The following ZNF358 variants were observed in gnomAD, a reference collection of about 807,000 sequenced individuals.
ZNF358 encodes the protein zinc finger protein 358.
ZNF358 carries 1 observed loss-of-function variant against 2.1 expected under a neutral mutation model. The ratio of observed to expected loss-of-function variants is 0.49; its 90% CI spans 0.17 to 2.30. The LOEUF is 2.30. Ranked by LOEUF, ZNF358 falls within the 30% of genes most tolerant of loss-of-function variation. The pLI is 0.26. For synonymous variants in ZNF358, 381 were observed against 359.7 expected, an observed-to-expected ratio of 1.06 and a Z score of -0.67; for missense variants, 665 against 806.8, an observed-to-expected ratio of 0.82 and a Z score of 2.13.
At position 7,519,495 on chromosome 19, in the gene ZNF358, C is replaced by A; in HGVS notation, c.253C>A (p.Pro85Thr). ...AGCTCCGGGCTCGGAACCCCAAGAT[C>A]CCGACCCCATGTCTTCGAGTTTCGA... Reference protein sequence around the residue: ...AEAPGSEPQDPDPMSSSFDLD... With the variant: ...AEAPGSEPQDTDPMSSSFDLD... Residue 85 changes from proline (P) to threonine (T), a missense_variant, in exon 2 of 2, where the codon CCC (proline) becomes ACC (threonine). Physicochemically the swap from Pro to Thr is conservative, Grantham distance 38 (BLOSUM62 -1). Around this residue, in one of 3 missense-constraint regions of ZNF358, gnomAD observed 206 missense variants for 228.4 expected, o/e 0.90. Coordinates refer to ENST00000597229, the MANE Select transcript of ZNF358 (RefSeq NM_018083.5). 1 of 1,613,362 alleles carries A rather than the reference C, an allele frequency of 6.2e-7. No individual in the cohort carries two copies. Among genetic ancestry groups the A allele is most frequent in the Non-Finnish European group, 8.5e-7 (1 of 1,179,986 alleles).
At chr19:7,514,833 A>G (rs1452768214), upstream of ZNF358, among the ~76,000 whole-genome samples, 4 of 152,066 alleles carry the variant, frequency 2.6e-5, no homozygotes, top group Non-Finnish European at 5.9e-5. Context: ...GGATTTCACC[A>G]TGCTGGCCAG....
Position 7,520,368 on chromosome 19 carries a change from C to A in ZNF358, c.1126C>A (p.Arg376Ser), listed in dbSNP as rs761933013. The change falls in exon 2 of 2, where the codon CGC becomes AGC. Residue 376 changes from arginine (R) to serine (S), a missense_variant. This residue lies in a region of ZNF358 where 210 missense variants were observed against 350.8 expected (regional missense o/e 0.60). Coordinates refer to ENST00000597229, the MANE Select transcript of ZNF358 (RefSeq NM_018083.5). The surrounding 1 kb of genome is among the most constrained non-coding windows in gnomAD (Gnocchi z 6.0). ...CGTGCATTCGGGCGAGCGTCCCTATCGCTGTCAGCTCTGCGGGAAGGCCTT... is the reference window on the plus strand; with the variant it reads ...CGTGCATTCGGGCGAGCGTCCCTATAGCTGTCAGCTCTGCGGGAAGGCCTT... ...LHVHSGERPY[R>S]CQLCGKAFGQ... 1 of 1,612,306 alleles carries A rather than the reference C, an allele frequency of 6.2e-7. No individual in the cohort carries two copies. The highest frequency in any genetic ancestry group is 2.2e-5 in the East Asian group (1 of 44,846).
intron 1 of ZNF358, among the ~76,000 whole-genome samples, chr19:7,518,530 G>GGAAA (rs796574664): frequency 0.035 from 2,683 of 75,590 alleles, 274 homozygotes; most frequent in African/African-American, 0.13. Flanking sequence ...AAGGAAGGAA[G>GGAAA]GAAAGAAAGA....
chr19:7,520,156 C>T lies in ZNF358; in HGVS notation c.914C>T (p.Ala305Val). 6.3e-7 allele frequency: 1 copy of T among 1,598,948 alleles called. No individual in the cohort carries two copies. ...QCGKAFGQSS[A>V]LLQHQRTHTA... ...GGCAAGGCCTTCGGGCAGAGCTCGGCGCTGCTGCAGCACCAGCGCACACAC... is the reference window on the plus strand; with the variant it reads ...GGCAAGGCCTTCGGGCAGAGCTCGGTGCTGCTGCAGCACCAGCGCACACAC... The change falls in exon 2 of 2, where the codon GCG (alanine) becomes GTG (valine). Residue 305 changes from alanine to valine, a missense_variant. Transcript: ENST00000597229. This position sits in a 1 kb window ranked among gnomAD's most constrained non-coding sequence, Gnocchi z 6.0.
At chr19:7,519,064 CAAAAA>C (rs397859220) in intron 1 of ZNF358, 136 bp from the exon 2 acceptor site, 2,216 of 573,740 alleles carry the variant, frequency 3.9e-3, no homozygotes, top group South Asian at 9.3e-3. Context: ...GACCCCATCT[CAAAAA>C]AAAAAAAAAA....
Position 7,519,714 on chromosome 19 carries a change from C to A in ZNF358, c.472C>A (p.Arg158=), listed in dbSNP as rs749676217. ...PRPFSCPDCG[R]AFRRSSGLSQ... ...GCCCTTCTCCTGCCCGGATTGCGGG[C>A]GAGCCTTCCGCCGCAGCTCCGGGCT... Residue 158 remains arginine (R), a synonymous_variant, in exon 2 of 2, where the codon CGA becomes AGA. Coordinates refer to ENST00000597229, the MANE Select transcript of ZNF358 (RefSeq NM_018083.5). 6.3e-7 allele frequency: 1 copy of A among 1,575,382 alleles called. No homozygotes were observed. Among genetic ancestry groups the A allele is most frequent in the African/African-American group, 1.3e-5 (1 of 74,344 alleles).
rs1038317290 is a variant in ZNF358, at chr19:7,516,763, T to C, written c.-39+514T>C. On this transcript the variant is annotated intron_variant, in intron 1 of 1. Transcript: ENST00000597229. This position sits in a 1 kb window ranked among gnomAD's most constrained non-coding sequence, Gnocchi z 5.9. The stretch of plus-strand genomic sequence containing the variant: ...TGGGGTCTGCAGTTCTGGAAGCTCC[T>C]TTCCCTGGAGGTGATCCAGGGGTCC... Among the ~76,000 whole-genome samples the C allele has an allele frequency of 1.3e-5, 2 of 152,058 alleles. No homozygotes were observed. The highest frequency in any genetic ancestry group is 2.4e-5 in the African/African-American group (1 of 41,408).
chr19:7,520,586 T>C lies in ZNF358; in HGVS notation c.1344T>C (p.Ser448=). 1.5e-6 allele frequency: 2 copies of C among 1,354,906 alleles called. No individual in the cohort carries two copies. The highest frequency in any genetic ancestry group is 2.1e-6 in the Non-Finnish European group (2 of 967,624). 83.9% of individuals were successfully genotyped at this position (1,354,906 alleles called of 1,614,324 possible). Residue 448 remains serine (S), a synonymous_variant, in exon 2 of 2, where the codon TCT becomes TCC. Coordinates refer to ENST00000597229, the MANE Select transcript of ZNF358 (RefSeq NM_018083.5). This position sits in a 1 kb window ranked among gnomAD's most constrained non-coding sequence, Gnocchi z 6.0. ...CTGATGCTGTTTCTGTGCTCGGCTCTGGCTTGGGCCTCAGCCCTGGCACCA... is the reference window on the plus strand; with the variant it reads ...CTGATGCTGTTTCTGTGCTCGGCTCCGGCTTGGGCCTCAGCCCTGGCACCA... The part of the protein sequence containing the change: ...LGPDAVSVLG[S]GLGLSPGTSS...
rs2022347663 is a variant in ZNF358, at chr19:7,516,701, A to ATC, written c.-39+452_-39+453insTC. 2.0e-5 allele frequency among the ~76,000 whole-genome samples: 3 copies of ATC among 151,942 alleles called. No homozygotes were observed. The highest frequency in any genetic ancestry group is 7.2e-5 in the African/African-American group (3 of 41,386). On this transcript the variant is annotated intron_variant, in intron 1 of 1. Coordinates refer to ENST00000597229, the MANE Select transcript of ZNF358 (RefSeq NM_018083.5). This position sits in a 1 kb window ranked among gnomAD's most constrained non-coding sequence, Gnocchi z 5.9. ...TTCCCTCTTCCCCCAGGACCCTAGG[A>ATC]AGGGTCCCAGCGATTGTTCCCTTGC... is the stretch of plus-strand genomic sequence containing the variant.
rs762663011 is a variant in ZNF358, at chr19:7,520,771, C to T, written c.1529C>T (p.Pro510Leu). 2 of 1,613,984 alleles carry T rather than the reference C, an allele frequency of 1.2e-6. No individual in the cohort carries two copies. The highest frequency in any genetic ancestry group is 1.7e-6 in the Non-Finnish European group (2 of 1,179,950). ...HDAGPDLVPS[P>L]DLDPVPSPDP... ...GCTGGTCCCGACCTTGTGCCCAGCCCAGACCTTGATCCTGTGCCCAGCCCA... is the reference window on the plus strand; with the variant it reads ...GCTGGTCCCGACCTTGTGCCCAGCCTAGACCTTGATCCTGTGCCCAGCCCA... The change falls in exon 2 of 2, where the codon CCA (proline) becomes CTA (leucine). Residue 510 changes from proline (P) to leucine (L), a missense_variant. Transcript: ENST00000597229. This position sits in a 1 kb window ranked among gnomAD's most constrained non-coding sequence, Gnocchi z 6.0.
chr19:7,520,495 TG>T lies in ZNF358; in HGVS notation c.1256del (p.Gly419AlafsTer6). 1.6e-6 allele frequency: 2 copies of T among 1,244,186 alleles called. No individual in the cohort carries two copies. Among genetic ancestry groups the T allele is most frequent in the South Asian group, 1.4e-5 (1 of 71,846 alleles). The allele number at this position is 1,244,186 out of a possible 1,614,324, so 77.1% of individuals were successfully genotyped here. The part of the protein sequence containing the change: ...AAAAAAAAAG[L>X]GLGPGLSPAS... Reference sequence around the variant, plus strand: ...GCAGCTGCAGCAGCGGCCGCCGGCCTGGGCCTCGGGCCTGGCCTAAGCCCTG... The same window carrying T: ...GCAGCTGCAGCAGCGGCCGCCGGCCTGGCCTCGGGCCTGGCCTAAGCCCTG... On this transcript the variant is annotated frameshift_variant, in exon 2 of 2. Transcript: ENST00000597229. LOFTEE classifies it low-confidence loss of function (END_TRUNC). The surrounding 1 kb of genome is among the most constrained non-coding windows in gnomAD (Gnocchi z 6.0).
chr19:7,519,741 A>C lies in ZNF358; in HGVS notation c.499A>C (p.Ser167Arg). Residue 167 changes from serine (S) to arginine (R), a missense_variant, in exon 2 of 2, where the codon AGC becomes CGC. By Grantham distance (110) the Ser-to-Arg change is moderately radical. Coordinates refer to ENST00000597229, the MANE Select transcript of ZNF358 (RefSeq NM_018083.5). ...AGCCTTCCGCCGCAGCTCCGGGCTG[A>C]GCCAGCATCGCCGCACGCACAGCGG... ...GRAFRRSSGL[S>R]QHRRTHSGEK... The C allele has an allele frequency of 6.5e-7, 1 of 1,548,758 alleles. No individual in the cohort carries two copies. Among genetic ancestry groups the C allele is most frequent in the Non-Finnish European group, 8.7e-7 (1 of 1,155,110 alleles).
At position 7,520,184 on chromosome 19, in the gene ZNF358, G is replaced by T; in HGVS notation, c.942G>T (p.Thr314=). ...SALLQHQRTH[T]AERPYRCPHC... is the part of the protein sequence containing the mutation. ...TGCTGCAGCACCAGCGCACACACAC[G>T]GCCGAGCGCCCCTACCGCTGCCCCC... The change falls in exon 2 of 2, where the codon ACG becomes ACT. Residue 314 remains threonine, a synonymous_variant. Coordinates refer to ENST00000597229, the MANE Select transcript of ZNF358 (RefSeq NM_018083.5). This position sits in a 1 kb window ranked among gnomAD's most constrained non-coding sequence, Gnocchi z 6.0. The T allele has an allele frequency of 6.2e-7, 1 of 1,600,360 alleles. No homozygotes were observed. The highest frequency in any genetic ancestry group is 8.5e-7 in the Non-Finnish European group (1 of 1,178,432).
rs1339055801 is a variant in ZNF358, at chr19:7,516,332, C to A, written c.-39+83C>A. ...GGGCGGGGGAGCTCCAGGCGCGGGG[C>A]GCAGCCCGGGGCGACCTCTAATCGT... On this transcript the variant is annotated intron_variant, in intron 1 of 1. Coordinates refer to ENST00000597229, the MANE Select transcript of ZNF358 (RefSeq NM_018083.5). The surrounding 1 kb of genome is among the most constrained non-coding windows in gnomAD (Gnocchi z 5.9). The A allele has an allele frequency of 2.0e-5, 3 of 147,528 alleles. No individual in the cohort carries two copies. The highest frequency in any genetic ancestry group is 2.0e-4 in the East Asian group (1 of 4,914). The allele number at this position is 147,528 out of a possible 1,614,324, so 9.1% of individuals were successfully genotyped here. A position where few individuals can be genotyped will look rare whatever the true frequency, so the allele number is the denominator to read the frequency against.
Position 7,519,877 on chromosome 19 carries a change from G to A in ZNF358, c.635G>A (p.Cys212Tyr). The part of the protein sequence containing the change: ...TGARPYQCAA[C>Y]GKAFGWRSTL... ...GCGCGGCCGTACCAGTGCGCGGCCT[G>A]CGGCAAGGCCTTCGGCTGGCGCTCC... Residue 212 changes from cysteine (C) to tyrosine (Y), a missense_variant, in exon 2 of 2, where the codon TGC becomes TAC. By Grantham distance (194) the Cys-to-Tyr change is radical (BLOSUM62 -2). Transcript: ENST00000597229. The A allele has an allele frequency of 6.5e-7, 1 of 1,530,800 alleles. No homozygotes were observed. Among genetic ancestry groups the A allele is most frequent in the Non-Finnish European group, 8.7e-7 (1 of 1,144,886 alleles). The allele number at this position is 1,530,800 out of a possible 1,614,324, so 94.8% of individuals were successfully genotyped here.
chr19:7,520,475 T>A lies in ZNF358; in HGVS notation c.1233T>A (p.Ala411=), dbSNP rs1295583947. Residue 411 remains alanine, a synonymous_variant, in exon 2 of 2, where the codon GCT becomes GCA. Coordinates refer to ENST00000597229, the MANE Select transcript of ZNF358 (RefSeq NM_018083.5). This position sits in a 1 kb window ranked among gnomAD's most constrained non-coding sequence, Gnocchi z 6.0. Reference sequence around the variant, plus strand: ...CTGCAGCTGCCGCGGCCGCTGCAGCTGCAGCAGCGGCCGCCGGCCTGGGCC... The same window carrying A: ...CTGCAGCTGCCGCGGCCGCTGCAGCAGCAGCAGCGGCCGCCGGCCTGGGCC... The part of the protein sequence containing the change: ...AAAAAAAAAA[A]AAAAAGLGLG... 1.9e-4 allele frequency: 147 copies of A among 755,594 alleles called. No homozygotes were observed. The highest frequency in any genetic ancestry group is 2.6e-4 in the Non-Finnish European group (133 of 514,934). 46.8% of individuals were successfully genotyped at this position (755,594 alleles called of 1,614,324 possible). A position where few individuals can be genotyped will look rare whatever the true frequency, so the allele number is the denominator to read the frequency against.
chr19:7,517,498 G>A (rs1351460610), intron 1 of ZNF358, among the ~76,000 whole-genome samples: 1 of 152,132 alleles, frequency 6.6e-6, no homozygotes, highest in East Asian at 1.9e-4. Context: ...GCTGAGGTGG[G>A]AGGATCATTT....
In ZNF358 at chr19:7,519,521, C is replaced by T; in HGVS notation, c.279C>T (p.Asp93=). The change falls in exon 2 of 2, where the codon GAC becomes GAT. Residue 93 remains aspartate (D), a synonymous_variant. Coordinates refer to ENST00000597229, the MANE Select transcript of ZNF358 (RefSeq NM_018083.5). ...QDPDPMSSSF[D]LDPDVIGPVP... ...CCGACCCCATGTCTTCGAGTTTCGACCTCGATCCAGATGTGATTGGCCCCG... is the reference window on the plus strand; with the variant it reads ...CCGACCCCATGTCTTCGAGTTTCGATCTCGATCCAGATGTGATTGGCCCCG... 2.5e-6 allele frequency: 4 copies of T among 1,610,692 alleles called. No individual in the cohort carries two copies. Among genetic ancestry groups the T allele is most frequent in the Non-Finnish European group, 3.4e-6 (4 of 1,180,004 alleles).
chr19:7,520,805 T>TCTTGTGCCCAGC lies in ZNF358; in HGVS notation c.1564_1565insTTGTGCCCAGCC (p.Asp521_Pro522insLeuValProSer), dbSNP rs757106094. 9.9e-6 allele frequency: 16 copies of TCTTGTGCCCAGC among 1,612,982 alleles called. No homozygotes were observed. The highest frequency in any genetic ancestry group is 1.4e-5 in the Non-Finnish European group (16 of 1,179,962). The stretch of plus-strand genomic sequence containing the variant: ...ATCCTGTGCCCAGCCCAGACCCTGA[T>TCTTGTGCCCAGC]CCTGTGCCCAGCCCTGATCCCAACC... On this transcript the variant is annotated inframe_insertion, in exon 2 of 2. Coordinates refer to ENST00000597229, the MANE Select transcript of ZNF358 (RefSeq NM_018083.5). The surrounding 1 kb of genome is among the most constrained non-coding windows in gnomAD (Gnocchi z 6.0).
Sources: allele counts gnomAD v4.1 joint callset (sites outside exome capture counted in the v4.1 genomes callset), GRCh38; gene constraint gnomAD v4.1.1; regional missense constraint gnomAD v4.1.1; non-coding constraint Gnocchi (gnomAD v3.1); transcripts MANE v1.5; gene names NCBI Gene and HGNC (gene_info 2026-07-23, HGNC 2026-07-21).